The following FHL5 variants were observed in gnomAD, a reference collection of about 807,000 sequenced individuals.
FHL5 encodes the protein four and a half LIM domains protein 5.
In FHL5, 33 loss-of-function variants were observed where a neutral mutation model predicts 32.0. The observed-to-expected ratio is 1.03, with a 90% CI of 0.78 to 1.38. The LOEUF (loss-of-function observed/expected upper bound fraction) is 1.38. Ranked by LOEUF, FHL5 falls within the 40% of genes most tolerant of loss-of-function variation. FHL5 has a pLI of 0.00. For missense variants in FHL5, 336 were observed against 343.9 expected (o/e 0.98, Z 0.18); for synonymous variants, 114 against 113.6 (o/e 1.00, Z -0.02).
intron 5 of FHL5, among the ~76,000 whole-genome samples, chr6:96,612,646 C>T (rs1178254536): frequency 6.6e-6 from 1 of 152,024 alleles, no homozygotes; most frequent in African/African-American, 2.4e-5. Flanking sequence ...AATAATCTGA[C>T]CCAAAAGTAA....
At position 96,615,777 on chromosome 6, in the gene FHL5, C is replaced by G. The variant is rs937663383; in HGVS notation, c.*5C>G. The stretch of plus-strand genomic sequence containing the variant: ...GGAATGGACACTGACATCTAGGAGA[C>G]AGTCCTTGCCCACCTAAAATCCATT... On this transcript the variant is annotated 3_prime_UTR_variant, in exon 6 of 6. Coordinates refer to ENST00000450218, the MANE Select transcript of FHL5 (RefSeq NM_001322466.2). The G allele has an allele frequency of 1.1e-5, 18 of 1,579,064 alleles. No individual in the cohort carries two copies. Among genetic ancestry groups the G allele is most frequent in the Non-Finnish European group, 1.5e-5 (17 of 1,161,902 alleles).
chr6:96,568,561 G>C (rs1475498152), intron 1 of FHL5, among the ~76,000 whole-genome samples: 1 of 151,796 alleles, frequency 6.6e-6, no homozygotes, highest in African/African-American at 2.4e-5. Flanking sequence ...ATAAATCTTT[G>C]GTAGAATTCC....
chr6:96,618,240 G>A lies in FHL5; in HGVS notation c.*2468G>A, dbSNP rs1340619286. Among the ~76,000 whole-genome samples, 1 of 152,318 alleles carries A rather than the reference G, an allele frequency of 6.6e-6. No homozygotes were observed. The highest frequency in any genetic ancestry group is 6.5e-5 in the Admixed American group (1 of 15,306). ...TAATGGACTTATCCAAAGATGAAAT[G>A]GACTGACTCAGGAAACAGTGGGCTC... On this transcript the variant is annotated 3_prime_UTR_variant, in exon 6 of 6. Coordinates refer to ENST00000450218, the MANE Select transcript of FHL5 (RefSeq NM_001322466.2).
At chr6:96,604,133 T>C (rs1261030890) in intron 2 of FHL5, among the ~76,000 whole-genome samples, 1 of 152,204 alleles carries the variant, frequency 6.6e-6, no homozygotes, top group Non-Finnish European at 1.5e-5. Context: ...GCATAAAGAA[T>C]TGAAGTTGAA....
rs1450724732 is a variant in FHL5 at position 96,607,212 on chromosome 6, A to C, written c.504+1141A>C. On this transcript the variant is annotated intron_variant, in intron 4 of 5. Transcript: ENST00000450218. ...AGAAATCCTTGACCTGCGAGGCATC[A>C]TAAGTTTAAAATGACACCATAAATT... 2.0e-5 allele frequency among the ~76,000 whole-genome samples: 3 copies of C among 150,622 alleles called. No individual in the cohort carries two copies. The East Asian group carries it at 5.8e-4, about 29-fold the overall frequency.
intron 1 of FHL5, among the ~76,000 whole-genome samples, chr6:96,579,653 AG>A (rs1201339162): frequency 1.3e-5 from 2 of 152,164 alleles, no homozygotes; most frequent in African/African-American, 4.8e-5. Flanking sequence ...CTAATAATGG[AG>A]TGGTTTTATA....
intron 1 of FHL5, among the ~76,000 whole-genome samples, chr6:96,579,177 A>C (rs1327663301): frequency 2.0e-5 from 3 of 152,200 alleles, no homozygotes; most frequent in African/African-American, 7.2e-5. Flanking sequence ...CAAAGGTACA[A>C]ATTCTGCATC....
At chr6:96,574,551 C>T (rs896295255) in intron 1 of FHL5, among the ~76,000 whole-genome samples, 1 of 151,998 alleles carries the variant, frequency 6.6e-6, no homozygotes, top group Non-Finnish European at 1.5e-5. Context: ...GGTTTCAGAC[C>T]ATACAAAAAC....
chr6:96,596,774 A>C lies in FHL5; in HGVS notation c.-12-6828A>C, dbSNP rs138530839. Among the ~76,000 whole-genome samples, 291 of 152,208 alleles carry C rather than the reference A, an allele frequency of 1.9e-3. 1 individual carries two copies. Among genetic ancestry groups the C allele is most frequent in the African/African-American group, 6.8e-3 (283 of 41,552 alleles). The stretch of plus-strand genomic sequence containing the variant: ...CATTTTGATGCCTAGTATTTTGAAC[A>C]TACAGCTTGATGGCTATCTAGTTTA... On this transcript the variant is annotated intron_variant, in intron 1 of 5. Coordinates refer to ENST00000450218, the MANE Select transcript of FHL5 (RefSeq NM_001322466.2).
chr6:96,604,666 T>A (rs750990733), intron 2 of FHL5, 84 bp from the exon 3 acceptor site: 139 of 1,056,672 alleles, frequency 1.3e-4, no homozygotes, highest in Admixed American at 6.2e-4. Context: ...GACATGAGAG[T>A]CCCAGGAGTG....
rs112797913 is a variant in FHL5, at chr6:96,614,444, G to C, written c.692-1165G>C. On this transcript the variant is annotated intron_variant, in intron 5 of 5. Transcript: ENST00000450218. The stretch of plus-strand genomic sequence containing the variant: ...GTAGAGAAATTTGATGCAATTTTCT[G>C]TATGAACTACTAAATTATATATGAA... Among the ~76,000 whole-genome samples the C allele has an allele frequency of 2.1e-3, 315 of 152,260 alleles. 1 individual carries two copies. Among genetic ancestry groups the C allele is most frequent in the African/African-American group, 4.8e-3 (198 of 41,548 alleles).
intron 1 of FHL5, among the ~76,000 whole-genome samples, chr6:96,589,346 T>A (rs1770868134): frequency 6.6e-6 from 1 of 152,158 alleles, no homozygotes; most frequent in Admixed American, 6.6e-5. Context: ...ATATTGTATT[T>A]TTTTAACATT....
chr6:96,572,415 C>G (rs939763650), intron 1 of FHL5, among the ~76,000 whole-genome samples: 1 of 152,116 alleles, frequency 6.6e-6, no homozygotes, highest in African/African-American at 2.4e-5. Flanking sequence ...AATTCCACCT[C>G]CACTTGACCC....
At chr6:96,565,268 A>G (rs1300051136) in intron 1 of FHL5, among the ~76,000 whole-genome samples, 2 of 151,104 alleles carry the variant, frequency 1.3e-5, no homozygotes, top group African/African-American at 2.5e-5. Flanking sequence ...ACATTCATTA[A>G]ATAAATAAAG....
intron 4 of FHL5, among the ~76,000 whole-genome samples, chr6:96,608,779 T>C (rs538441288): frequency 6.6e-6 from 1 of 152,196 alleles, no homozygotes; most frequent in African/African-American, 2.4e-5. Flanking sequence ...CAAGCTTAGA[T>C]ATTAGACTTT....
chr6:96,572,736 T>C (rs1294017950), intron 1 of FHL5, among the ~76,000 whole-genome samples: 1 of 152,200 alleles, frequency 6.6e-6, no homozygotes, highest in Non-Finnish European at 1.5e-5. Flanking sequence ...GGAAGGTCTG[T>C]TGGTGTCCAG....
intron 1 of FHL5, among the ~76,000 whole-genome samples, chr6:96,572,073 T>C (rs1362311274): frequency 6.6e-6 from 1 of 152,020 alleles, no homozygotes; most frequent in Non-Finnish European, 1.5e-5. Flanking sequence ...AATTGTTCAG[T>C]TTATAGAGCA....
At position 96,589,654 on chromosome 6, in the gene FHL5, A is replaced by G. The variant is rs143527941; in HGVS notation, c.-12-13948A>G. Among the ~76,000 whole-genome samples the G allele has an allele frequency of 9.5e-3, 1,448 of 152,044 alleles. 10 individuals are homozygous for G. The highest frequency in any genetic ancestry group is 0.024 in the Middle Eastern group (7 of 294). ...TCTTTACTCTTATTTGTGTTTTTTG[A>G]GAAACAGAAGTTCTTAAGTTTAATT... On this transcript the variant is annotated intron_variant, in intron 1 of 5. Coordinates refer to ENST00000450218, the MANE Select transcript of FHL5 (RefSeq NM_001322466.2).
In FHL5 at chr6:96,616,315, T is replaced by TA. The variant is rs1405797641; in HGVS notation, c.*549dup. On this transcript the variant is annotated 3_prime_UTR_variant, in exon 6 of 6. Transcript: ENST00000450218. Reference sequence around the variant, plus strand: ...TTTTCACACATACTGACTGTAGAATTAAAAAACAAAGCTACAATTTGCCCT... The same window carrying TA: ...TTTTCACACATACTGACTGTAGAATTAAAAAAACAAAGCTACAATTTGCCCT... 6.6e-6 allele frequency: 1 copy of TA among 152,216 alleles called. No individual in the cohort carries two copies. Among genetic ancestry groups the TA allele is most frequent in the Admixed American group, 6.5e-5 (1 of 15,276 alleles). 9.4% of individuals were successfully genotyped at this position (152,216 alleles called of 1,614,324 possible). A position where few individuals can be genotyped will look rare whatever the true frequency, so the allele number is the denominator to read the frequency against.
Sources: allele counts gnomAD v4.1 joint callset (sites outside exome capture counted in the v4.1 genomes callset), GRCh38; gene constraint gnomAD v4.1.1; transcripts MANE v1.5; gene names NCBI Gene and HGNC (gene_info 2026-07-23, HGNC 2026-07-21).